Variants in GRAMD1B observed in about 807,000 individuals in gnomAD.
The protein encoded by GRAMD1B is GRAM domain containing 1B.
GRAMD1B carries 37 observed loss-of-function variants against 99.7 expected under a neutral mutation model. That is an observed-to-expected ratio of 0.37 (90% CI 0.29 to 0.49). The LOEUF is 0.49. Among genes scored for constraint, GRAMD1B ranks in the 20% least tolerant of loss-of-function variants. GRAMD1B has a pLI of 0.98. For synonymous variants in GRAMD1B, 427 were observed against 387.6 expected (o/e 1.10, Z -1.19); for missense variants, 888 against 1,009.2 (o/e 0.88, Z 1.63).
rs146873312 is a variant in GRAMD1B, at chr11:123,517,476, G to A, written c.452+36583G>A. On this transcript the variant is annotated intron_variant, in intron 2 of 19. Coordinates refer to ENST00000635736, the MANE Select transcript of GRAMD1B (RefSeq NM_001387025.1). ...CACTTACTTGCTCTTAGTGTCATCC[G>A]CTCCGCATAGCAACCTGATGGGTGC... Among the ~76,000 whole-genome samples, 186 of 152,288 alleles carry A rather than the reference G, an allele frequency of 1.2e-3. 1 individual carries two copies. The highest frequency in any genetic ancestry group is 4.4e-3 in the African/African-American group (183 of 41,566).
chr11:123,488,957 G>C (rs114697285), intron 2 of GRAMD1B, among the ~76,000 whole-genome samples: 5 of 151,952 alleles, frequency 3.3e-5, no homozygotes, highest in East Asian at 1.9e-4. Flanking sequence ...ACCTCTCTGC[G>C]TACCCCCTTA....
rs4063751 is a variant in GRAMD1B, at chr11:123,601,515, A to ATGTGTGTG, written c.1050+991_1050+998dup. 6.1e-3 allele frequency among the ~76,000 whole-genome samples: 912 copies of ATGTGTGTG among 148,900 alleles called. 13 individuals carry two copies. Among genetic ancestry groups the ATGTGTGTG allele is most frequent in the African/African-American group, 0.021 (844 of 40,606 alleles). On this transcript the variant is annotated intron_variant, in intron 8 of 19. Coordinates refer to ENST00000635736, the MANE Select transcript of GRAMD1B (RefSeq NM_001387025.1). ...AATGTTTCCCCCAGGATTAATTTTTATGTGTGTGTGTGTGTGTGTGTGTGT... is the reference window on the plus strand; with the variant it reads ...AATGTTTCCCCCAGGATTAATTTTTATGTGTGTGTGTGTGTGTGTGTGTGTGTGTGTGT...
rs572012198 is a variant in GRAMD1B at position 123,467,159 on chromosome 11, C to T, written c.375-13657C>T. The stretch of plus-strand genomic sequence containing the variant: ...GCCAGAGCTTCATGATCTGTATTCA[C>T]GAGAGCTAAGGATTGGCATGAAAAG... On this transcript the variant is annotated intron_variant, in intron 1 of 19. Coordinates refer to ENST00000635736, the MANE Select transcript of GRAMD1B (RefSeq NM_001387025.1). 3.1e-3 allele frequency among the ~76,000 whole-genome samples: 466 copies of T among 152,124 alleles called. 1 individual carries two copies. Among genetic ancestry groups the T allele is most frequent in the Non-Finnish European group, 4.1e-3 (282 of 68,000 alleles).
intron 2 of GRAMD1B, among the ~76,000 whole-genome samples, chr11:123,527,439 T>C (rs1208924674): frequency 6.6e-6 from 1 of 152,188 alleles, no homozygotes; most frequent in African/African-American, 2.4e-5. Flanking sequence ...CAAGTGTAAC[T>C]CTCAAGAACT....
At chr11:123,562,358 G>A (rs2136022252) in intron 2 of GRAMD1B, among the ~76,000 whole-genome samples, 1 of 152,220 alleles carries the variant, frequency 6.6e-6, no homozygotes, top group East Asian at 1.9e-4. Flanking sequence ...GGTCTTTTCT[G>A]TTTAGACCAG....
intron 2 of GRAMD1B, among the ~76,000 whole-genome samples, chr11:123,552,732 T>C (rs1945754372): frequency 6.6e-6 from 1 of 152,246 alleles, no homozygotes; most frequent in Non-Finnish European, 1.5e-5. Context: ...AAGTTGCAGG[T>C]GTGCTCATTA....
At chr11:123,487,140 C>T (rs1694448900) in intron 2 of GRAMD1B, among the ~76,000 whole-genome samples, 1 of 152,200 alleles carries the variant, frequency 6.6e-6, no homozygotes, top group African/African-American at 2.4e-5. Flanking sequence ...ACCTTGCATA[C>T]ATTTTTAAAT....
chr11:123,415,246 G>T (rs761211346), intron 1 of GRAMD1B, among the ~76,000 whole-genome samples: 12 of 151,726 alleles, frequency 7.9e-5, no homozygotes, highest in Non-Finnish European at 1.8e-4. Flanking sequence ...GGGACTACAG[G>T]TGTGCACCAC....
intron 2 of GRAMD1B, among the ~76,000 whole-genome samples, chr11:123,569,517 C>T (rs1350932339): frequency 1.3e-5 from 2 of 152,154 alleles, no homozygotes; most frequent in Non-Finnish European, 2.9e-5. Flanking sequence ...ATGGAGTCCT[C>T]GTAGACTCTG....
chr11:123,488,281 C>T (rs1323205565), intron 2 of GRAMD1B, among the ~76,000 whole-genome samples: 1 of 152,150 alleles, frequency 6.6e-6, no homozygotes, highest in Non-Finnish European at 1.5e-5. Flanking sequence ...GAGTCTATAG[C>T]ACCAGGTAGC....
intron 1 of GRAMD1B, among the ~76,000 whole-genome samples, chr11:123,469,772 TTTCTTTCCTTCCTTCCTTCC>T (rs1950909165): frequency 1.8e-5 from 2 of 108,290 alleles, no homozygotes; most frequent in East Asian, 3.0e-4. Context: ...TTTCTTTCTC[TTTCTTTCCTTCCTTCCTTCC>T]TTCCTTCCTT....
chr11:123,500,361 G>T (rs972444057), intron 2 of GRAMD1B, among the ~76,000 whole-genome samples: 5 of 152,104 alleles, frequency 3.3e-5, no homozygotes, highest in Non-Finnish European at 7.4e-5. Context: ...ACCAACAGAT[G>T]TGACCCTTAA....
At chr11:123,570,193 T>C (rs1055740611) in intron 2 of GRAMD1B, among the ~76,000 whole-genome samples, 3 of 152,140 alleles carry the variant, frequency 2.0e-5, no homozygotes, top group African/African-American at 7.2e-5. Context: ...GTGATACTTA[T>C]TTTGAAATGC....
intron 4 of GRAMD1B, among the ~76,000 whole-genome samples, chr11:123,584,737 C>T (rs1384469952): frequency 6.6e-6 from 1 of 152,116 alleles, no homozygotes; most frequent in Non-Finnish European, 1.5e-5. Context: ...AAACTTTCCC[C>T]CATTGATAGA....
chr11:123,475,157 G>A (rs191009614), intron 1 of GRAMD1B, among the ~76,000 whole-genome samples: 57 of 152,296 alleles, frequency 3.7e-4, no homozygotes, highest in African/African-American at 1.2e-3. Context: ...CTTTCTGCAC[G>A]TGTCCTGGGT....
At chr11:123,527,089 G>C (rs1942853100) in intron 2 of GRAMD1B, among the ~76,000 whole-genome samples, 1 of 152,210 alleles carries the variant, frequency 6.6e-6, no homozygotes, top group Admixed American at 6.5e-5. Flanking sequence ...TCTCCCTGAA[G>C]AGGGTGGAGG....
chr11:123,575,780 G>A lies in GRAMD1B; in HGVS notation c.453-1587G>A, dbSNP rs185219690. 2.8e-3 allele frequency among the ~76,000 whole-genome samples: 430 copies of A among 152,208 alleles called. 2 individuals carry two copies. The highest frequency in any genetic ancestry group is 9.3e-3 in the African/African-American group (385 of 41,524). Reference sequence around the variant, plus strand: ...CTCCAGAGTTTATGGTAGCAAACGAGTTTAGAGAGTAAGGATAAGGAATGG... The same window carrying A: ...CTCCAGAGTTTATGGTAGCAAACGAATTTAGAGAGTAAGGATAAGGAATGG... On this transcript the variant is annotated intron_variant, in intron 2 of 19. Coordinates refer to ENST00000635736, the MANE Select transcript of GRAMD1B (RefSeq NM_001387025.1).
chr11:123,544,439 T>C (rs1944861902), intron 2 of GRAMD1B, among the ~76,000 whole-genome samples: 1 of 152,254 alleles, frequency 6.6e-6, no homozygotes, highest in Non-Finnish European at 1.5e-5. Context: ...CTCTTTGTGA[T>C]TTCTGGGCCA....
intron 1 of GRAMD1B, among the ~76,000 whole-genome samples, chr11:123,422,714 A>G (rs1948493455): frequency 6.6e-6 from 1 of 152,188 alleles, no homozygotes; most frequent in South Asian, 2.1e-4. Flanking sequence ...GCTTTCTTTT[A>G]TGCCTCAATG....
Sources: allele counts gnomAD v4.1 joint callset (sites outside exome capture counted in the v4.1 genomes callset), GRCh38; gene constraint gnomAD v4.1.1; transcripts MANE v1.5; gene names NCBI Gene and HGNC (gene_info 2026-07-23, HGNC 2026-07-21).